EML1: variants seen among roughly 807,000 people sequenced by gnomAD.
The protein encoded by EML1 is EMAP like 1, also known as echinoderm microtubule-associated protein-like 1.
In EML1, 27 loss-of-function variants were observed where a neutral mutation model predicts 110.4. That is an observed-to-expected ratio of 0.24 (90% CI 0.18 to 0.34). The LOEUF is 0.34. EML1 is among the 10% of genes least tolerant of loss of function. The pLI, the probability that EML1 is intolerant of heterozygous loss-of-function variation, is 1.00. For synonymous variants in EML1, 344 were observed against 385.8 expected, an observed-to-expected ratio of 0.89 and a Z score of 1.27; for missense variants, 741 against 1,030.9, an observed-to-expected ratio of 0.72 and a Z score of 3.85.
In EML1 at chr14:99,863,767, G is replaced by A. The variant is rs1184695407; in HGVS notation, c.251-1747G>A. Among the ~76,000 whole-genome samples the A allele has an allele frequency of 4.6e-5, 7 of 152,314 alleles. No homozygotes were observed. The East Asian group carries it at 1.3e-3, about 29-fold the overall frequency. ...ATCTTGGTCGCTTCCCGTTTTTGAC[G>A]ATTGTAAATAAAGCAGCTCTAAATA... On this transcript the variant is annotated intron_variant, in intron 2 of 21. Coordinates refer to ENST00000262233, the MANE Select transcript of EML1 (RefSeq NM_004434.3).
intron 2 of EML1, among the ~76,000 whole-genome samples, chr14:99,859,774 G>T (rs563062227): frequency 7.2e-5 from 11 of 152,234 alleles, no homozygotes; most frequent in African/African-American, 2.6e-4. Context: ...GTTCTCACTG[G>T]CTCTGATTCT....
intron 1 of EML1, among the ~76,000 whole-genome samples, chr14:99,762,698 C>T (rs190922745): frequency 2.0e-5 from 3 of 152,254 alleles, no homozygotes; most frequent in African/African-American, 7.2e-5. Flanking sequence ...ACACGAGAGG[C>T]TGAGGTGGGA....
chr14:99,907,793 C>G, intron 10 of EML1, 60 bp downstream of exon 10: 1 of 1,532,936 alleles, frequency 6.5e-7, no homozygotes, highest in East Asian at 2.2e-5. Context: ...GCCGCCCTGG[C>G]ATAGTGGTAG....
intron 17 of EML1, among the ~76,000 whole-genome samples, chr14:99,933,792 G>A (rs2060416822): frequency 6.6e-6 from 1 of 152,184 alleles, no homozygotes; most frequent in South Asian, 2.1e-4. Context: ...CACATAGTAG[G>A]CTCTCAAACA....
At position 99,938,047 on chromosome 14, in the gene EML1, ACCT is replaced by A; in HGVS notation, c.2191+139_2191+141del. The A allele has an allele frequency of 1.8e-5, 15 of 824,754 alleles. No individual in the cohort carries two copies. In the South Asian group the frequency reaches 2.4e-4, roughly 13 times the overall value. 51.1% of individuals were successfully genotyped at this position (824,754 alleles called of 1,614,324 possible). On this transcript the variant is annotated intron_variant, in intron 20 of 21. Transcript: ENST00000262233. ...CTGCTACGGGAGGCCCATGAGACAC[ACCT>A]CCTGCCGCACCCTGGGGTAGGGCCT...
upstream of EML1, among the ~76,000 whole-genome samples, chr14:99,791,564 T>G (rs1306336263): frequency 6.6e-6 from 1 of 152,210 alleles, no homozygotes; most frequent in Non-Finnish European, 1.5e-5. Context: ...CACTTCTAAT[T>G]GGAGGTTGTG....
At chr14:99,749,336 G>C (rs917316336) in intron 1 of EML1, among the ~76,000 whole-genome samples, 1 of 151,888 alleles carries the variant, frequency 6.6e-6, no homozygotes, top group Non-Finnish European at 1.5e-5. Flanking sequence ...CTGTCTTCTC[G>C]CCCCCCCAGC....
At chr14:99,934,470 G>A (rs2060431773) in intron 17 of EML1, among the ~76,000 whole-genome samples, 1 of 152,276 alleles carries the variant, frequency 6.6e-6, no homozygotes, top group South Asian at 2.1e-4. Flanking sequence ...GCCACCCTGG[G>A]TCCTGCAGGA....
chr14:99,857,165 T>A (rs2058917073), intron 2 of EML1, among the ~76,000 whole-genome samples: 1 of 151,732 alleles, frequency 6.6e-6, no homozygotes, highest in African/African-American at 2.4e-5. Context: ...CCAGCTATGC[T>A]GGTGGCCAAG....
At position 99,874,920 on chromosome 14, in the gene EML1, C is replaced by G. The variant is rs1466932207; in HGVS notation, c.384-3565C>G. On this transcript the variant is annotated intron_variant, in intron 3 of 21. Coordinates refer to ENST00000262233, the MANE Select transcript of EML1 (RefSeq NM_004434.3). ...TTTATTCTGCTTTATTTCTGTGCCT[C>G]TTATATGTAGATTAAACAGATCTGT... 3.1e-6 allele frequency: 5 copies of G among 1,610,442 alleles called. No homozygotes were observed. In the South Asian group the frequency reaches 4.4e-5, roughly 14 times the overall value.
chr14:99,740,386 T>C (rs2057028336), intron 1 of EML1, among the ~76,000 whole-genome samples: 1 of 152,164 alleles, frequency 6.6e-6, no homozygotes, highest in African/African-American at 2.4e-5. Context: ...TTGTGGGGCT[T>C]TTTGGCTTGC....
intron 4 of EML1, among the ~76,000 whole-genome samples, chr14:99,888,570 A>G (rs1242453757): frequency 4.6e-5 from 7 of 152,170 alleles, no homozygotes; most frequent in South Asian, 2.1e-4. Flanking sequence ...TTAATCATAT[A>G]TGTGAAATTT....
rs552295536 is a variant in EML1, at chr14:99,853,429, C to A, written c.250+2394C>A. Among the ~76,000 whole-genome samples the A allele has an allele frequency of 4.5e-3, 687 of 151,898 alleles. 1 individual carries two copies. The highest frequency in any genetic ancestry group is 0.016 in the African/African-American group (648 of 41,278). On this transcript the variant is annotated intron_variant, in intron 2 of 21. Transcript: ENST00000262233. ...GCCCGTGGGAGGGGTGTGCCTGCAGCAGCTGCCCTGGCTGTGCTCATCTTT... is the reference window on the plus strand; with the variant it reads ...GCCCGTGGGAGGGGTGTGCCTGCAGAAGCTGCCCTGGCTGTGCTCATCTTT...
At chr14:99,834,943 C>T (rs915427100) in intron 1 of EML1, among the ~76,000 whole-genome samples, 4 of 152,166 alleles carry the variant, frequency 2.6e-5, no homozygotes, top group African/African-American at 9.7e-5. Context: ...CCTCAGCCTC[C>T]CTAGTAGCTG....
intron 5 of EML1, among the ~76,000 whole-genome samples, chr14:99,893,095 G>GGT (rs925843451): frequency 4.5e-4 from 69 of 152,290 alleles, no homozygotes; most frequent in African/African-American, 1.6e-3. Context: ...GACAGGACAG[G>GGT]GTGTAGAGGG....
intron 4 of EML1, among the ~76,000 whole-genome samples, chr14:99,882,826 A>G (rs1653105052): frequency 6.6e-6 from 1 of 151,518 alleles, no homozygotes; most frequent in South Asian, 2.1e-4. Flanking sequence ...CAAACATGAA[A>G]AAAAAAAAAC....
chr14:99,833,362 A>T (rs2058491374), intron 1 of EML1, among the ~76,000 whole-genome samples: 1 of 152,056 alleles, frequency 6.6e-6, no homozygotes, highest in African/African-American at 2.4e-5. Context: ...TATTCTGTTG[A>T]TCTGTTTACA....
At chr14:99,906,480 T>A (rs1005402105) in intron 9 of EML1, among the ~76,000 whole-genome samples, 7 of 152,166 alleles carry the variant, frequency 4.6e-5, no homozygotes, top group African/African-American at 1.7e-4. Flanking sequence ...GTATAAACTG[T>A]CATGGTGCTG....
At chr14:99,933,531 C>T (rs978467039) in intron 17 of EML1, among the ~76,000 whole-genome samples, 3 of 152,186 alleles carry the variant, frequency 2.0e-5, no homozygotes, top group Non-Finnish European at 4.4e-5. Flanking sequence ...AATCCCCTGC[C>T]GTGTCATGTG....
Sources: allele counts gnomAD v4.1 joint callset (sites outside exome capture counted in the v4.1 genomes callset), GRCh38; gene constraint gnomAD v4.1.1; transcripts MANE v1.5; gene names NCBI Gene and HGNC (gene_info 2026-07-23, HGNC 2026-07-21).